The following MYO10 variants were observed in gnomAD, a reference collection of about 807,000 sequenced individuals.
MYO10 encodes myosin X, also known as unconventional myosin-X.
A neutral mutation model predicts 257.3 loss-of-function variants in MYO10; 133 were observed. The ratio of observed to expected loss-of-function variants is 0.52; its 90% confidence interval spans 0.45 to 0.60. MYO10 has a LOEUF of 0.60. MYO10 is among the 20% of genes least tolerant of loss of function. The probability of loss-of-function intolerance (pLI) is 0.00; values close to 1 mark genes in which losing one functional copy is unlikely to be tolerated. For synonymous variants in MYO10, 1,104 were observed against 1,028.6 expected, an observed-to-expected ratio of 1.07 and a Z score of -1.40; for missense variants, 2,399 against 2,635.7, an observed-to-expected ratio of 0.91 and a Z score of 1.97.
Position 16,818,145 on chromosome 5 carries a change from G to A in MYO10, c.143C>T (p.Thr48Ile). 1 of 1,595,228 alleles carries A rather than the reference G, an allele frequency of 6.3e-7. No homozygotes were observed. The highest frequency in any genetic ancestry group is 8.6e-7 in the Non-Finnish European group (1 of 1,166,606). ...YGQVFTYKQS[T>I]ITHQKVTAMH... ...AGCAGTCACCTTCTGGTGGGTAATTGTGCTCTGCTTGTAAGTGAATACCTG... is the reference window on the plus strand; with the variant it reads ...AGCAGTCACCTTCTGGTGGGTAATTATGCTCTGCTTGTAAGTGAATACCTG... The change falls in exon 3 of 41, where the codon ACA (threonine) becomes ATA (isoleucine). Residue 48 changes from threonine to isoleucine, a missense_variant. Physicochemically the swap from Thr to Ile is moderately conservative, Grantham distance 89. Coordinates refer to ENST00000513610, the MANE Select transcript of MYO10 (RefSeq NM_012334.3).
intron 3 of MYO10, among the ~76,000 whole-genome samples, chr5:16,805,577 C>T (rs1251034655): frequency 6.6e-6 from 1 of 152,070 alleles, no homozygotes; most frequent in African/African-American, 2.4e-5. Flanking sequence ...TACCGCTCCA[C>T]AAACGGCCAT....
chr5:16,762,115 TAAAAAAAAAAAAAAA>T lies in MYO10; in HGVS notation c.1588-17_1588-3del, dbSNP rs746751894. On this transcript the variant is annotated splice_polypyrimidine_tract_variant and splice_region_variant and intron_variant, in intron 15 of 40. Transcript: ENST00000513610. ...GGGCTTCACATAAAAGTGGTTATTC[TAAAAAAAAAAAAAAA>T]AAAAAAAAAAAAAATACAATGCCTT... The T allele has an allele frequency of 4.6e-5, 26 of 567,578 alleles. No individual in the cohort carries two copies. The highest frequency in any genetic ancestry group is 1.2e-4 in the South Asian group (4 of 32,080). 35.2% of individuals were successfully genotyped at this position (567,578 alleles called of 1,614,324 possible). A position where few individuals can be genotyped will look rare whatever the true frequency, so the allele number is the denominator to read the frequency against.
At chr5:16,673,223 G>A (rs1736555283) in intron 36 of MYO10, among the ~76,000 whole-genome samples, 1 of 151,292 alleles carries the variant, frequency 6.6e-6, no homozygotes, top group South Asian at 2.1e-4. Context: ...GCCTTGGGGG[G>A]TGGGGGTCGG....
intron 19 of MYO10, among the ~76,000 whole-genome samples, chr5:16,724,498 A>AGC (rs1739276395): frequency 6.6e-6 from 1 of 152,210 alleles, no homozygotes; most frequent in Non-Finnish European, 1.5e-5. Context: ...GGAAGCCAGC[A>AGC]TAAGGTCCAA....
chr5:16,771,533 A>G (rs1202678999), intron 9 of MYO10, among the ~76,000 whole-genome samples: 1 of 145,164 alleles, frequency 6.9e-6, no homozygotes, highest in Non-Finnish European at 1.5e-5. Flanking sequence ...AAATCTAGGA[A>G]CTTACTATTA....
At chr5:16,738,524 A>T (rs541466189) in intron 19 of MYO10, 1 of 438,530 alleles carries the variant, frequency 2.3e-6, no homozygotes, top group Non-Finnish European at 3.0e-6. Flanking sequence ...CCTTCTCAGC[A>T]GGTGTATGTG....
chr5:16,900,653 C>T (rs1745350850), intron 1 of MYO10, among the ~76,000 whole-genome samples: 6 of 152,030 alleles, frequency 3.9e-5, no homozygotes, highest in Admixed American at 3.9e-4. Context: ...ATTCCTCTCC[C>T]TAGTCCCCCA....
At chr5:16,719,042 A>C (rs570126293) in intron 19 of MYO10, among the ~76,000 whole-genome samples, 1 of 151,036 alleles carries the variant, frequency 6.6e-6, no homozygotes, top group Admixed American at 6.6e-5. Flanking sequence ...CCCCTTCCAC[A>C]CTGTGGAAGC....
At chr5:16,711,333 G>A in intron 19 of MYO10, 88 bp from the exon 20 acceptor site, 1 of 1,362,198 alleles carries the variant, frequency 7.3e-7, no homozygotes, top group Non-Finnish European at 1.0e-6. Context: ...TCCATCATTG[G>A]TTTACCCCGC....
At chr5:16,719,399 G>C (rs1385588301) in intron 19 of MYO10, among the ~76,000 whole-genome samples, 1 of 152,202 alleles carries the variant, frequency 6.6e-6, no homozygotes, top group Non-Finnish European at 1.5e-5. Context: ...CAGTGGACAA[G>C]GGACACACTG....
chr5:16,734,806 A>T (rs1739725114), intron 19 of MYO10, among the ~76,000 whole-genome samples: 1 of 103,988 alleles, frequency 9.6e-6, no homozygotes, highest in Non-Finnish European at 2.0e-5. Context: ...ACTCTGTCTC[A>T]AAAAAAAAAA....
chr5:16,770,456 T>G (rs1462271413), intron 9 of MYO10, among the ~76,000 whole-genome samples: 1 of 152,182 alleles, frequency 6.6e-6, no homozygotes, highest in Non-Finnish European at 1.5e-5. Context: ...ACCAACAGTA[T>G]CTAAACAACT....
chr5:16,679,532 T>C (rs1395118154), intron 33 of MYO10, among the ~76,000 whole-genome samples: 1 of 150,204 alleles, frequency 6.7e-6, no homozygotes, highest in African/African-American at 2.5e-5. Flanking sequence ...GTGTTTTTTT[T>C]TTTTTTTTTT....
chr5:16,673,894 G>A lies in MYO10; in HGVS notation c.4965-5C>T. On this transcript the variant is annotated splice_region_variant and splice_polypyrimidine_tract_variant and intron_variant, in intron 35 of 40. Coordinates refer to ENST00000513610, the MANE Select transcript of MYO10 (RefSeq NM_012334.3). ...CCTGGAAACTGTTCCCGTATCCTAG[G>A]AGGCAAACACTAACTGTTAATTTTT... 6.2e-7 allele frequency: 1 copy of A among 1,613,358 alleles called. No homozygotes were observed. The highest frequency in any genetic ancestry group is 8.5e-7 in the Non-Finnish European group (1 of 1,179,450).
chr5:16,761,919 C>T (rs1740724139), intron 16 of MYO10, 126 bp downstream of exon 16: 3 of 1,004,416 alleles, frequency 3.0e-6, no homozygotes, highest in Admixed American at 3.4e-5. Context: ...TCCCAAAGTA[C>T]TGGGACTGTA....
chr5:16,868,665 C>G (rs1744355363), intron 2 of MYO10, among the ~76,000 whole-genome samples: 1 of 152,044 alleles, frequency 6.6e-6, no homozygotes, highest in Non-Finnish European at 1.5e-5. Flanking sequence ...TCCAAGAAGA[C>G]AACTGATTTC....
intron 3 of MYO10, among the ~76,000 whole-genome samples, chr5:16,803,492 G>A (rs993993775): frequency 6.6e-6 from 1 of 152,176 alleles, no homozygotes; most frequent in South Asian, 2.1e-4. Context: ...AAATGTTCTG[G>A]TGACAAGCTA....
At position 16,662,316 on chromosome 5, in the gene MYO10, A is replaced by ATTTTCTTTTTTTTTTTT. The variant is rs1736012988; in HGVS notation, c.*4375_*4376insAAAAAAAAAAAAGAAAA. ...AAGTGCTGTCTTAGATTTCTGAACT[A>ATTTTCTTTTTTTTTTTT]TTTTTTTTTTTTTTTTTTTTTTTTG... On this transcript the variant is annotated 3_prime_UTR_variant, in exon 41 of 41. Transcript: ENST00000513610. 1 of 75,816 alleles carries ATTTTCTTTTTTTTTTTT rather than the reference A, an allele frequency of 1.3e-5. No individual in the cohort carries two copies. The highest frequency in any genetic ancestry group is 2.4e-5 in the Non-Finnish European group (1 of 42,540). The allele number at this position is 75,816 out of a possible 1,614,324, so 4.7% of individuals were successfully genotyped here.
chr5:16,780,800 A>G (rs1236749303), intron 6 of MYO10, 59 bp from the exon 7 acceptor site: 2 of 1,485,686 alleles, frequency 1.3e-6, no homozygotes, highest in Admixed American at 4.2e-5. Flanking sequence ...GCCATGCTCA[A>G]CTAGTCTTTC....
Sources: gnomAD v4.1 joint callset for allele counts (sites outside exome capture counted in the v4.1 genomes callset) on GRCh38, gnomAD v4.1.1 for gene constraint, MANE v1.5 for transcripts, NCBI Gene and HGNC (gene_info 2026-07-23, HGNC 2026-07-21) for gene names.